Variants in RBFOX1 observed in about 807,000 individuals in gnomAD.
RBFOX1 encodes the protein RNA binding protein fox-1 homolog 1.
A neutral mutation model predicts 57.7 loss-of-function variants in RBFOX1; 8 were observed. The ratio of observed to expected loss-of-function variants is 0.14; its 90% CI spans 0.08 to 0.25. The LOEUF is 0.25. Ranked by LOEUF, RBFOX1 falls within the 10% of genes least tolerant of loss-of-function variation. RBFOX1 has a pLI of 1.00. For synonymous variants in RBFOX1, 326 were observed against 222.4 expected, an observed-to-expected ratio of 1.47 and a Z score of -4.15; for missense variants, 611 against 548.5, an observed-to-expected ratio of 1.11 and a Z score of -1.14.
intron 4 of RBFOX1, among the ~76,000 whole-genome samples, chr16:5,886,928 T>C (rs2057914113): frequency 6.6e-6 from 1 of 152,178 alleles, no homozygotes; most frequent in African/African-American, 2.4e-5. Context: ...TTGTGTCCTA[T>C]GACCAGTCAT....
At chr16:7,418,456 C>A (rs546677724) in intron 4 of RBFOX1, among the ~76,000 whole-genome samples, 1 of 152,146 alleles carries the variant, frequency 6.6e-6, no homozygotes, top group Non-Finnish European at 1.5e-5. Flanking sequence ...AGGGCGTGAG[C>A]CAGGCATCTG....
At chr16:5,945,063 G>C (rs1399112386) in intron 4 of RBFOX1, among the ~76,000 whole-genome samples, 3 of 151,366 alleles carry the variant, frequency 2.0e-5, no homozygotes, top group African/African-American at 7.3e-5. Flanking sequence ...AGGGAGACTG[G>C]AGCTCTATGT....
At chr16:6,120,693 C>G (rs2096542519) in intron 1 of RBFOX1, among the ~76,000 whole-genome samples, 2 of 152,284 alleles carry the variant, frequency 1.3e-5, no homozygotes, top group South Asian at 4.1e-4. Flanking sequence ...CTTTCCTTCT[C>G]AGGCTCTTTT....
chr16:5,740,676 T>C (rs2052740946), intron 3 of RBFOX1, among the ~76,000 whole-genome samples: 2 of 152,224 alleles, frequency 1.3e-5, no homozygotes, highest in Non-Finnish European at 2.9e-5. Context: ...CTTGGTCTCT[T>C]GACTCTACTT....
chr16:6,648,369 C>T (rs1184878324), intron 2 of RBFOX1, among the ~76,000 whole-genome samples: 1 of 146,972 alleles, frequency 6.8e-6, no homozygotes, highest in African/African-American at 2.5e-5. Context: ...CTCCCAGGGG[C>T]ATCGTACTTG....
chr16:6,003,524 T>A (rs960216087), intron 4 of RBFOX1, among the ~76,000 whole-genome samples: 1 of 140,828 alleles, frequency 7.1e-6, no homozygotes, highest in Non-Finnish European at 1.6e-5. Context: ...GATGACTTCA[T>A]TGACAGGAGT....
At chr16:6,629,183 A>C (rs951868446) in intron 2 of RBFOX1, among the ~76,000 whole-genome samples, 2 of 152,240 alleles carry the variant, frequency 1.3e-5, no homozygotes, top group South Asian at 2.1e-4. Context: ...ATGCAGATGT[A>C]GCAGAATTTG....
At chr16:5,875,761 C>A (rs1004017849) in intron 4 of RBFOX1, among the ~76,000 whole-genome samples, 1 of 152,072 alleles carries the variant, frequency 6.6e-6, no homozygotes, top group African/African-American at 2.4e-5. Flanking sequence ...GAAAAGTGAA[C>A]CGTTGTAAAA....
At chr16:6,557,102 CATACATATATACATATATACATACAT>C (rs1567672834) in intron 2 of RBFOX1, among the ~76,000 whole-genome samples, 4 of 144,376 alleles carry the variant, frequency 2.8e-5, no homozygotes, top group South Asian at 4.3e-4. Context: ...TACATATATA[CATACATATATACATATATACATACAT>C]ATACATATAT....
At chr16:5,414,159 G>T (rs980166907) in intron 1 of RBFOX1, among the ~76,000 whole-genome samples, 2 of 152,140 alleles carry the variant, frequency 1.3e-5, no homozygotes, top group Non-Finnish European at 2.9e-5. Context: ...CAATCATTGC[G>T]CCAAGGGAAA....
At chr16:6,369,137 G>T (rs1197670273) in intron 2 of RBFOX1, among the ~76,000 whole-genome samples, 3 of 152,140 alleles carry the variant, frequency 2.0e-5, no homozygotes. Context: ...ATAACTAAGG[G>T]ATTCCTAATC....
At chr16:6,246,843 C>G (rs888996671) in intron 1 of RBFOX1, among the ~76,000 whole-genome samples, 1 of 152,086 alleles carries the variant, frequency 6.6e-6, no homozygotes, top group Non-Finnish European at 1.5e-5. Context: ...CTGAGGCGGG[C>G]GGATCACCTG....
chr16:7,377,577 T>C (rs1031235200), intron 4 of RBFOX1, among the ~76,000 whole-genome samples: 1 of 152,230 alleles, frequency 6.6e-6, no homozygotes, highest in Non-Finnish European at 1.5e-5. Context: ...AAAAAATGTT[T>C]TAGATTTGTC....
intron 4 of RBFOX1, among the ~76,000 whole-genome samples, chr16:6,004,030 A>T (rs1985619): frequency 6.6e-6 from 1 of 152,070 alleles, no homozygotes; most frequent in East Asian, 1.9e-4. Flanking sequence ...ATACAAGGTC[A>T]TGTTGCACGG....
intron 4 of RBFOX1, among the ~76,000 whole-genome samples, chr16:7,169,323 A>G (rs1325302200): frequency 2.0e-5 from 3 of 152,214 alleles, no homozygotes; most frequent in Non-Finnish European, 4.4e-5. Context: ...CTTTGCATAT[A>G]TCAGGGTTTC....
intron 3 of RBFOX1, among the ~76,000 whole-genome samples, chr16:6,973,459 A>T (rs1266257471): frequency 2.0e-5 from 3 of 152,220 alleles, no homozygotes; most frequent in Admixed American, 1.3e-4. Flanking sequence ...TGCAAGTAAT[A>T]GACTGTTGTG....
At chr16:7,709,713 CT>C in intron 15 of RBFOX1, 3 of 1,121,824 alleles carry the variant, frequency 2.7e-6, no homozygotes, top group South Asian at 3.7e-5. Flanking sequence ...TGGGGGTTGC[CT>C]TTTGTTTTGG....
At chr16:6,340,723 C>G (rs2084437229) in intron 2 of RBFOX1, among the ~76,000 whole-genome samples, 1 of 152,118 alleles carries the variant, frequency 6.6e-6, no homozygotes, top group African/African-American at 2.4e-5. Flanking sequence ...GTCTTTATGA[C>G]CTGTATCTTG....
chr16:7,344,204 G>A (rs1424989460), intron 4 of RBFOX1, among the ~76,000 whole-genome samples: 1 of 142,234 alleles, frequency 7.0e-6, no homozygotes, highest in Non-Finnish European at 1.5e-5. Context: ...TTCAAGCTTC[G>A]CTGTACTCTT....
Sources: gnomAD v4.1 joint callset for allele counts (sites outside exome capture counted in the v4.1 genomes callset) on GRCh38, gnomAD v4.1.1 for gene constraint, MANE v1.5 for transcripts, NCBI Gene and HGNC (gene_info 2026-07-23, HGNC 2026-07-21) for gene names.